The following TCF4 variants were observed in gnomAD, a reference collection of about 807,000 sequenced individuals.
TCF4 encodes SL3-3 enhancer factor 2.
TCF4 carries 3 observed loss-of-function variants against 82.1 expected under a neutral mutation model. That is an observed-to-expected ratio of 0.04 (90% CI 0.02 to 0.09). The LOEUF (loss-of-function observed/expected upper bound fraction) is 0.09. Ranked by LOEUF, TCF4 falls within the 10% of genes least tolerant of loss-of-function variation. The pLI is 1.00. For missense variants in TCF4, 518 were observed against 852.7 expected, an observed-to-expected ratio of 0.61 and a Z score of 4.89; for synonymous variants, 276 against 309.6, an observed-to-expected ratio of 0.89 and a Z score of 1.14.
chr18:55,611,990 C>G (rs969153809), intron 2 of TCF4, among the ~76,000 whole-genome samples: 2 of 152,190 alleles, frequency 1.3e-5, no homozygotes, highest in Non-Finnish European at 2.9e-5. Flanking sequence ...AGGCTGGTCT[C>G]AAACTCCTGA....
At chr18:55,479,986 T>C (rs1324251409) in intron 3 of TCF4, among the ~76,000 whole-genome samples, 2 of 152,170 alleles carry the variant, frequency 1.3e-5, no homozygotes, top group Non-Finnish European at 2.9e-5. Flanking sequence ...TTTCCCCTCT[T>C]AGCATTTCCT....
At chr18:55,516,204 A>T (rs2096879954) in intron 3 of TCF4, among the ~76,000 whole-genome samples, 1 of 152,082 alleles carries the variant, frequency 6.6e-6, no homozygotes, top group African/African-American at 2.4e-5. Flanking sequence ...TCTAACTGTT[A>T]CCTTGAACAA....
intron 3 of TCF4, among the ~76,000 whole-genome samples, chr18:55,559,427 A>G (rs1241669430): frequency 2.6e-5 from 4 of 152,144 alleles, no homozygotes; most frequent in Non-Finnish European, 4.4e-5. Context: ...AAACACGGAT[A>G]CTTAAACCGA....
intron 6 of TCF4, among the ~76,000 whole-genome samples, chr18:55,389,276 T>G (rs2092875486): frequency 6.6e-6 from 1 of 152,210 alleles, no homozygotes; most frequent in Non-Finnish European, 1.5e-5. Context: ...CATTCACTCA[T>G]CCATCCTGTG....
intron 8 of TCF4, among the ~76,000 whole-genome samples, chr18:55,312,081 G>A (rs977118090): frequency 3.9e-5 from 6 of 152,130 alleles, no homozygotes; most frequent in African/African-American, 1.4e-4. Context: ...AGACACTGTT[G>A]TCTATACATA....
chr18:55,382,315 G>A (rs967763651), intron 6 of TCF4, among the ~76,000 whole-genome samples: 2 of 151,472 alleles, frequency 1.3e-5, no homozygotes, highest in East Asian at 1.9e-4. Context: ...ACTTAGTCAC[G>A]TAGCCTTTCT....
At chr18:55,497,617 G>A (rs1037366216) in intron 3 of TCF4, among the ~76,000 whole-genome samples, 3 of 152,118 alleles carry the variant, frequency 2.0e-5, no homozygotes, top group Non-Finnish European at 4.4e-5. Flanking sequence ...AGTTATATTT[G>A]TTATAACTAT....
At chr18:55,463,919 T>G (rs999914484) in intron 4 of TCF4, among the ~76,000 whole-genome samples, 157 bp downstream of exon 4, 2 of 151,600 alleles carry the variant, frequency 1.3e-5, no homozygotes, top group Non-Finnish European at 2.9e-5. Context: ...TATGCGTGTG[T>G]GTTTGTGTGC....
intron 3 of TCF4, among the ~76,000 whole-genome samples, chr18:55,565,930 G>A (rs1052448056): frequency 7.2e-5 from 11 of 151,784 alleles, no homozygotes; most frequent in Admixed American, 2.0e-4. Context: ...GGCCAGATAC[G>A]GTGGCTCACG....
intron 15 of TCF4, among the ~76,000 whole-genome samples, chr18:55,237,777 C>G (rs1318103794): frequency 6.6e-6 from 1 of 152,132 alleles, no homozygotes; most frequent in Non-Finnish European, 1.5e-5. Flanking sequence ...GAAGAGTATT[C>G]CAATTTGAAT....
At chr18:55,480,787 C>A (rs571497129) in intron 3 of TCF4, among the ~76,000 whole-genome samples, 1 of 152,166 alleles carries the variant, frequency 6.6e-6, no homozygotes. Flanking sequence ...TTACTTTGTA[C>A]AAAATCTGGC....
At chr18:55,321,390 A>G in intron 8 of TCF4, 2 of 492,940 alleles carry the variant, frequency 4.1e-6, no homozygotes, top group Admixed American at 3.3e-5. Context: ...CCACCTCTCA[A>G]CTTTACCTGA....
chr18:55,322,256 T>G, intron 8 of TCF4: 1 of 1,032,036 alleles, frequency 9.7e-7, no homozygotes, highest in Non-Finnish European at 1.2e-6. Flanking sequence ...TCTCTCTCCC[T>G]CTCTTTCTTT....
chr18:55,275,766 A>C lies in TCF4; in HGVS notation c.656-14T>G. The C allele has an allele frequency of 6.2e-7, 1 of 1,613,694 alleles. No homozygotes were observed. Among genetic ancestry groups the C allele is most frequent in the African/African-American group, 1.3e-5 (1 of 75,016 alleles). On this transcript the variant is annotated splice_polypyrimidine_tract_variant and intron_variant, in intron 9 of 19. Coordinates refer to ENST00000354452, the MANE Select transcript of TCF4 (RefSeq NM_001083962.2). The stretch of plus-strand genomic sequence containing the variant: ...TGTGATGGCCATCTGTAAAGGACAA[A>C]GACAACCATGACTTTCTGAGGCATT...
chr18:55,487,086 C>T (rs142702722), intron 3 of TCF4, among the ~76,000 whole-genome samples: 33 of 152,276 alleles, frequency 2.2e-4, no homozygotes, highest in African/African-American at 6.5e-4. Context: ...ATTTAAGGTG[C>T]TCAGGATCTG....
intron 6 of TCF4, among the ~76,000 whole-genome samples, chr18:55,395,912 A>G (rs1159813983): frequency 1.3e-5 from 2 of 152,144 alleles, no homozygotes; most frequent in African/African-American, 4.8e-5. Flanking sequence ...TACTGAATAG[A>G]TTATTCATAT....
intron 8 of TCF4, among the ~76,000 whole-genome samples, chr18:55,310,032 CACTTT>C (rs1199755017): frequency 1.3e-5 from 2 of 152,152 alleles, no homozygotes; most frequent in Non-Finnish European, 2.9e-5. Context: ...TTCAGTTGCT[CACTTT>C]GAGTACAGAC....
intron 3 of TCF4, among the ~76,000 whole-genome samples, chr18:55,530,708 A>G (rs1383450699): frequency 1.3e-5 from 2 of 152,128 alleles, no homozygotes; most frequent in African/African-American, 2.4e-5. Flanking sequence ...AATGAAAAAG[A>G]TATCCACTTA....
chr18:55,316,627 C>A (rs966440606), intron 8 of TCF4, among the ~76,000 whole-genome samples: 1 of 151,894 alleles, frequency 6.6e-6, no homozygotes. Flanking sequence ...AAAACAACAA[C>A]AAAAAAAGCC....
Sources: allele counts gnomAD v4.1 joint callset (sites outside exome capture counted in the v4.1 genomes callset), GRCh38; gene constraint gnomAD v4.1.1; transcripts MANE v1.5; gene names NCBI Gene and HGNC (gene_info 2026-07-23, HGNC 2026-07-21).